FANCL: variants seen among roughly 807,000 people sequenced by gnomAD.
FANCL encodes the protein FA complementation group L.
FANCL carries 69 observed loss-of-function variants against 59.4 expected under a neutral mutation model. That is an observed-to-expected ratio of 1.16 (90% CI 0.96 to 1.42). The LOEUF is 1.42. FANCL is among the 40% of genes most tolerant of loss of function. The pLI, the probability that FANCL is intolerant of heterozygous loss-of-function variation, is 0.00. For missense variants in FANCL, 519 were observed against 447.2 expected (o/e 1.16, Z -1.45); for synonymous variants, 180 against 147.1 (o/e 1.22, Z -1.62).
At chr2:58,208,698 CT>C (rs1690828964) in intron 5 of FANCL, among the ~76,000 whole-genome samples, 1 of 152,176 alleles carries the variant, frequency 6.6e-6, no homozygotes, top group African/African-American at 2.4e-5. Flanking sequence ...TTTATTGCCA[CT>C]CTCAAGTTTA....
chr2:58,186,600 C>G (rs557774860), intron 7 of FANCL, among the ~76,000 whole-genome samples: 14 of 152,302 alleles, frequency 9.2e-5, no homozygotes, highest in Non-Finnish European at 2.1e-4. Flanking sequence ...AACCAGAATG[C>G]AAGAGCATTT....
At chr2:58,236,201 G>A (rs1472226124) in intron 1 of FANCL, among the ~76,000 whole-genome samples, 1 of 151,836 alleles carries the variant, frequency 6.6e-6, no homozygotes, top group Non-Finnish European at 1.5e-5. Flanking sequence ...ACATCAAAGT[G>A]ACTGAAACCA....
chr2:58,223,936 A>G (rs1460419533), intron 4 of FANCL, among the ~76,000 whole-genome samples: 3 of 151,962 alleles, frequency 2.0e-5, no homozygotes. Context: ...TACTTACAAT[A>G]CAGCCTAACA....
At chr2:58,219,198 A>G (rs1436417532) in intron 5 of FANCL, among the ~76,000 whole-genome samples, 2 of 130,086 alleles carry the variant, frequency 1.5e-5, no homozygotes, top group Non-Finnish European at 3.2e-5. Context: ...ATATATATAT[A>G]TATATATCCA....
chr2:58,228,636 G>C (rs1341644599), intron 3 of FANCL, among the ~76,000 whole-genome samples: 5 of 152,240 alleles, frequency 3.3e-5, no homozygotes, highest in African/African-American at 4.8e-5. Flanking sequence ...TTATTATCTG[G>C]TTCTTTACAG....
intron 7 of FANCL, among the ~76,000 whole-genome samples, chr2:58,196,465 G>A (rs576903537): frequency 1.6e-4 from 24 of 151,834 alleles, no homozygotes; most frequent in African/African-American, 4.6e-4. Context: ...TCATTACTAC[G>A]AATTCTACAT....
chr2:58,183,648 AT>A (rs1437569410), intron 7 of FANCL, among the ~76,000 whole-genome samples: 2 of 151,888 alleles, frequency 1.3e-5, no homozygotes, highest in Non-Finnish European at 2.9e-5. Flanking sequence ...GACAATGACA[AT>A]TTTTTATTCT....
chr2:58,178,050 A>G (rs1212684604), intron 7 of FANCL, among the ~76,000 whole-genome samples: 1 of 152,166 alleles, frequency 6.6e-6, no homozygotes, highest in African/African-American at 2.4e-5. Flanking sequence ...GAAGAAGTCA[A>G]ATCCCGAAAT....
rs867519008 is a variant in FANCL at position 58,176,868 on chromosome 2, C to T, written c.541-10994G>A. Among the ~76,000 whole-genome samples, 135 of 152,162 alleles carry T rather than the reference C, an allele frequency of 8.9e-4. 1 individual carries two copies. The highest frequency in any genetic ancestry group is 1.4e-3 in the Non-Finnish European group (96 of 67,996). On this transcript the variant is annotated intron_variant, in intron 7 of 13. Coordinates refer to ENST00000233741, the MANE Select transcript of FANCL (RefSeq NM_018062.4). The stretch of plus-strand genomic sequence containing the variant: ...AACCTACAAAATGGGAGAACATTTT[C>T]GCAACCTACTCATCTGACAAAGGGC...
chr2:58,159,956 A>C (rs1024319613), intron 13 of FANCL, 152 bp downstream of exon 13: 1 of 1,524,618 alleles, frequency 6.6e-7, no homozygotes, highest in South Asian at 1.3e-5. Context: ...AAAGGAGTTT[A>C]ATGTTTTTGA....
chr2:58,236,556 A>T (rs1287702025), intron 1 of FANCL, among the ~76,000 whole-genome samples: 2 of 151,968 alleles, frequency 1.3e-5, no homozygotes, highest in Non-Finnish European at 2.9e-5. Context: ...AAAATACAGA[A>T]AAATACCAAA....
At chr2:58,178,574 AC>A (rs749350298) in intron 7 of FANCL, among the ~76,000 whole-genome samples, 5 of 152,192 alleles carry the variant, frequency 3.3e-5, no homozygotes, top group Non-Finnish European at 5.9e-5. Context: ...TGTTGATGGA[AC>A]ATATCTCAAA....
In FANCL at chr2:58,177,074, C is replaced by T. The variant is rs541007360; in HGVS notation, c.541-11200G>A. Among the ~76,000 whole-genome samples the T allele has an allele frequency of 3.8e-3, 580 of 152,302 alleles. 5 individuals carry two copies. The highest frequency in any genetic ancestry group is 0.012 in the African/African-American group (486 of 41,564). Reference sequence around the variant, plus strand: ...ATCAGAGAAATGCAAATCAAAACCACAACGAGATATCATCTCACACCACTT... The same window carrying T: ...ATCAGAGAAATGCAAATCAAAACCATAACGAGATATCATCTCACACCACTT... On this transcript the variant is annotated intron_variant, in intron 7 of 13. Transcript: ENST00000233741.
intron 5 of FANCL, chr2:58,213,553 G>C (rs186942044): frequency 1.3e-5 from 2 of 152,048 alleles, no homozygotes; most frequent in Admixed American, 6.6e-5. Context: ...AAATGATTAA[G>C]TAACAGCAGC....
chr2:58,183,918 T>C (rs1437949954), intron 7 of FANCL, among the ~76,000 whole-genome samples: 1 of 152,000 alleles, frequency 6.6e-6, no homozygotes, highest in Non-Finnish European at 1.5e-5. Flanking sequence ...TATTTGATCT[T>C]AAGCAAGACA....
chr2:58,240,719 T>C (rs1694446451), intron 1 of FANCL, among the ~76,000 whole-genome samples: 1 of 152,180 alleles, frequency 6.6e-6, no homozygotes, highest in African/African-American at 2.4e-5. Flanking sequence ...TCCTAGAAGA[T>C]ATTGTAACTG....
At chr2:58,176,901 C>T (rs557455294) in intron 7 of FANCL, among the ~76,000 whole-genome samples, 1 of 152,058 alleles carries the variant, frequency 6.6e-6, no homozygotes, top group South Asian at 2.1e-4. Context: ...GGCTAATATC[C>T]AGAATCTACA....
intron 7 of FANCL, among the ~76,000 whole-genome samples, chr2:58,183,435 T>C (rs1191152215): frequency 6.6e-6 from 1 of 151,832 alleles, no homozygotes; most frequent in African/African-American, 2.4e-5. Context: ...CTTACAGCAC[T>C]CCCCTTATTA....
intron 7 of FANCL, among the ~76,000 whole-genome samples, chr2:58,173,217 G>C (rs1238872478): frequency 6.6e-6 from 1 of 152,142 alleles, no homozygotes; most frequent in Non-Finnish European, 1.5e-5. Flanking sequence ...CACTCTGCAG[G>C]ATATTATCCA....
Sources: gnomAD v4.1 joint callset for allele counts (sites outside exome capture counted in the v4.1 genomes callset) on GRCh38, gnomAD v4.1.1 for gene constraint, MANE v1.5 for transcripts, NCBI Gene and HGNC (gene_info 2026-07-23, HGNC 2026-07-21) for gene names.